ABCG1: variants seen among roughly 807,000 people sequenced by gnomAD.
ABCG1 encodes ATP binding cassette subfamily G member 1, also known as ATP-binding cassette sub-family G member 1.
ABCG1 carries 29 observed loss-of-function variants against 69.2 expected under a neutral mutation model. The observed-to-expected ratio is 0.42, with a 90% CI of 0.31 to 0.57. The LOEUF is 0.57. Ranked by LOEUF, ABCG1 falls within the 20% of genes least tolerant of loss-of-function variation. The probability of loss-of-function intolerance (pLI) is 0.15; values close to 1 mark genes in which losing one functional copy is unlikely to be tolerated. For missense variants in ABCG1, 718 were observed against 898.1 expected (o/e 0.80, Z 2.56); for synonymous variants, 370 against 374.8 (o/e 0.99, Z 0.15).
intron 5 of ABCG1, among the ~76,000 whole-genome samples, chr21:42,278,005 G>A (rs1017000747): frequency 6.6e-6 from 1 of 152,206 alleles, no homozygotes; most frequent in East Asian, 1.9e-4. Flanking sequence ...CCGTGTCACC[G>A]GGGCTGGGGG....
chr21:42,282,932 C>T (rs1476052972), intron 6 of ABCG1, among the ~76,000 whole-genome samples: 5 of 152,218 alleles, frequency 3.3e-5, no homozygotes, highest in African/African-American at 1.2e-4. Flanking sequence ...TCTCTATACC[C>T]ACGGGCGCTC....
In ABCG1 at chr21:42,276,749, C is replaced by A; in HGVS notation, c.538-146C>A. On this transcript the variant is annotated intron_variant, in intron 4 of 14. Transcript: ENST00000398449. The surrounding 1 kb of genome is among the most constrained non-coding windows in gnomAD (Gnocchi z 5.3). ...TGGCTAGCGGCATTGTGGCTAGCTG[C>A]ACTGTGGGTAGCTGCACCGTGGCTA... 1 of 757,254 alleles carries A rather than the reference C, an allele frequency of 1.3e-6. No individual in the cohort carries two copies. The highest frequency in any genetic ancestry group is 2.0e-5 in the African/African-American group (1 of 50,830). 46.9% of individuals were successfully genotyped at this position (757,254 alleles called of 1,614,324 possible).
intron 2 of ABCG1, among the ~76,000 whole-genome samples, chr21:42,252,285 C>A (rs1392463591): frequency 1.3e-5 from 2 of 152,190 alleles, no homozygotes; most frequent in Non-Finnish European, 2.9e-5. Context: ...ACCATTGTGC[C>A]TGTGCTGGAT....
intron 2 of ABCG1, among the ~76,000 whole-genome samples, chr21:42,265,153 G>C (rs564569743): frequency 6.6e-6 from 1 of 152,344 alleles, no homozygotes; most frequent in South Asian, 2.1e-4. Context: ...CCCGATAACA[G>C]AGTCCAGAGT....
In ABCG1 at chr21:42,287,877, T is replaced by C; in HGVS notation, c.974-12T>C. The stretch of plus-strand genomic sequence containing the variant: ...TGGAGCCCGGGCTGACCCCCGTCTG[T>C]GTCTCCTGCAGTCATGGAGGTTGCA... On this transcript the variant is annotated splice_polypyrimidine_tract_variant and intron_variant, in intron 8 of 14. Transcript: ENST00000398449. The surrounding 1 kb of genome is among the most constrained non-coding windows in gnomAD (Gnocchi z 6.2). The C allele has an allele frequency of 2.6e-6, 4 of 1,550,618 alleles. No homozygotes were observed. Among genetic ancestry groups the C allele is most frequent in the Non-Finnish European group, 2.6e-6 (3 of 1,145,940 alleles).
At chr21:42,226,747 G>A (rs2067823792) in intron 2 of ABCG1, among the ~76,000 whole-genome samples, 1 of 152,196 alleles carries the variant, frequency 6.6e-6, no homozygotes, top group Non-Finnish European at 1.5e-5. Flanking sequence ...GAGCTGATAG[G>A]CAGAGGACGT....
intron 2 of ABCG1, chr21:42,260,038 A>T (rs372521133): frequency 3.0e-5 from 46 of 1,549,948 alleles, no homozygotes; most frequent in Non-Finnish European, 3.6e-5. Context: ...GGAGGGCCCC[A>T]TCACCTGGGG....
intron 2 of ABCG1, among the ~76,000 whole-genome samples, chr21:42,251,090 T>TA (rs1238639446): frequency 6.6e-6 from 1 of 152,176 alleles, no homozygotes; most frequent in African/African-American, 2.4e-5. Flanking sequence ...TCCTCTGGAA[T>TA]ACAGAGGCCC....
At chr21:42,200,218 C>T (rs1257194292) in intron 1 of ABCG1, among the ~76,000 whole-genome samples, 2 of 152,196 alleles carry the variant, frequency 1.3e-5, no homozygotes, top group Non-Finnish European at 2.9e-5. Context: ...CTGCCCATGG[C>T]CCCTGGTGAG....
At chr21:42,217,246 G>A (rs1569203420), upstream of ABCG1, among the ~76,000 whole-genome samples, 1 of 152,184 alleles carries the variant, frequency 6.6e-6, no homozygotes, top group Non-Finnish European at 1.5e-5. Context: ...AGAAGAGGGG[G>A]AATGTCTAGA....
intron 2 of ABCG1, among the ~76,000 whole-genome samples, chr21:42,257,010 A>G (rs1466434232): frequency 6.6e-6 from 1 of 152,134 alleles, no homozygotes; most frequent in Admixed American, 6.5e-5. Flanking sequence ...TTTATTAACC[A>G]TTTTCTATAT....
chr21:42,201,321 C>T (rs991881914), intron 1 of ABCG1, among the ~76,000 whole-genome samples: 3 of 152,132 alleles, frequency 2.0e-5, no homozygotes, highest in Admixed American at 1.3e-4. Flanking sequence ...ACCTAGATCC[C>T]TTGAGTGCTC....
intron 2 of ABCG1, among the ~76,000 whole-genome samples, chr21:42,266,226 AAG>A (rs2068502653): frequency 6.6e-6 from 1 of 152,026 alleles, no homozygotes; most frequent in Non-Finnish European, 1.5e-5. Flanking sequence ...GCTTGAACCC[AAG>A]AGGCAGAGTT....
intron 2 of ABCG1, among the ~76,000 whole-genome samples, chr21:42,251,825 G>A (rs1455292394): frequency 1.3e-5 from 2 of 152,224 alleles, no homozygotes; most frequent in East Asian, 1.9e-4. Flanking sequence ...ACTGGCCTTG[G>A]GCATGGGAGG....
intron 2 of ABCG1, among the ~76,000 whole-genome samples, chr21:42,268,971 T>A (rs1002484637): frequency 2.6e-5 from 4 of 152,114 alleles, no homozygotes; most frequent in African/African-American, 4.8e-5. Flanking sequence ...AGGTGAGAGC[T>A]CAGAGGCTGT....
At chr21:42,243,018 T>G (rs2068074820) in intron 2 of ABCG1, among the ~76,000 whole-genome samples, 1 of 152,164 alleles carries the variant, frequency 6.6e-6, no homozygotes, top group Non-Finnish European at 1.5e-5. Context: ...GATGGCCATG[T>G]GGGAGCCACC....
intron 14 of ABCG1, chr21:42,295,066 A>G: frequency 5.5e-6 from 1 of 182,242 alleles, no homozygotes; most frequent in Non-Finnish European, 1.2e-5. Flanking sequence ...CATGTCTGTA[A>G]TCCCAGCACT....
chr21:42,231,861 C>A (rs536683608), intron 2 of ABCG1, among the ~76,000 whole-genome samples: 2 of 152,344 alleles, frequency 1.3e-5, no homozygotes, highest in Admixed American at 6.5e-5. Flanking sequence ...CAGGACATTT[C>A]TTTTAGTCCT....
upstream of ABCG1, among the ~76,000 whole-genome samples, chr21:42,212,985 A>G (rs935909772): frequency 1.1e-4 from 16 of 152,298 alleles, no homozygotes; most frequent in Middle Eastern, 3.4e-3. Flanking sequence ...GAGCCACCGC[A>G]CCTGGCCTAA....
Sources: gnomAD v4.1 joint callset for allele counts (sites outside exome capture counted in the v4.1 genomes callset) on GRCh38, gnomAD v4.1.1 for gene constraint, Gnocchi (gnomAD v3.1) non-coding constraint, MANE v1.5 for transcripts, NCBI Gene and HGNC (gene_info 2026-07-23, HGNC 2026-07-21) for gene names.